The following TCF12 variants were observed in gnomAD, a reference collection of about 807,000 sequenced individuals.
TCF12 encodes transcription factor 12.
A neutral mutation model predicts 86.0 loss-of-function variants in TCF12; 45 were observed. The observed-to-expected ratio is 0.52, with a 90% CI of 0.41 to 0.67. The LOEUF (loss-of-function observed/expected upper bound fraction) is 0.67, where lower values mean the gene tolerates loss of function less well. Among genes scored for constraint, TCF12 ranks in the 30% least tolerant of loss-of-function variants. The pLI, the probability that TCF12 is intolerant of heterozygous loss-of-function variation, is 0.00. For missense variants in TCF12, 881 were observed against 859.9 expected (o/e 1.02, Z -0.31); for synonymous variants, 330 against 299.6 (o/e 1.10, Z -1.05).
At chr15:57,012,107 T>G (rs1251435587) in intron 3 of TCF12, among the ~76,000 whole-genome samples, 1 of 152,162 alleles carries the variant, frequency 6.6e-6, no homozygotes, top group African/African-American at 2.4e-5. Context: ...TCTTTCTGGT[T>G]TTTAATTTGC....
At chr15:57,257,272 A>G (rs985004207) in intron 16 of TCF12, among the ~76,000 whole-genome samples, 9 of 152,178 alleles carry the variant, frequency 5.9e-5, no homozygotes, top group Non-Finnish European at 1.0e-4. Context: ...GCTTATGTTA[A>G]TGAGTAGTTT....
At chr15:57,035,437 A>T (rs1339607223) in intron 3 of TCF12, among the ~76,000 whole-genome samples, 2 of 152,158 alleles carry the variant, frequency 1.3e-5, no homozygotes, top group African/African-American at 4.8e-5. Flanking sequence ...CTAATTTTTT[A>T]AAATTTTTTT....
chr15:57,229,162 G>A (rs1315145224), intron 8 of TCF12, among the ~76,000 whole-genome samples: 1 of 151,926 alleles, frequency 6.6e-6, no homozygotes, highest in Non-Finnish European at 1.5e-5. Context: ...CTTCTAGCTA[G>A]GGCTAAGTTT....
intron 3 of TCF12, among the ~76,000 whole-genome samples, chr15:56,964,987 A>G (rs1486919915): frequency 6.6e-6 from 1 of 152,184 alleles, no homozygotes; most frequent in Non-Finnish European, 1.5e-5. Context: ...TTTCCCAACC[A>G]CTATTCATTT....
chr15:57,057,441 T>C (rs182056621), intron 3 of TCF12, among the ~76,000 whole-genome samples: 7 of 152,212 alleles, frequency 4.6e-5, no homozygotes, highest in African/African-American at 1.7e-4. Flanking sequence ...TGAAAGCTGA[T>C]TAAAAGAGAA....
chr15:57,216,668 C>A (rs2058345029), intron 8 of TCF12, among the ~76,000 whole-genome samples: 2 of 150,844 alleles, frequency 1.3e-5, no homozygotes, highest in African/African-American at 4.9e-5. Flanking sequence ...CTCCTTAGGA[C>A]AAGAAATTGT....
At chr15:57,129,474 C>G (rs1269523698) in intron 5 of TCF12, among the ~76,000 whole-genome samples, 1 of 152,142 alleles carries the variant, frequency 6.6e-6, no homozygotes, top group African/African-American at 2.4e-5. Context: ...ATCACCTGAG[C>G]CTGGGGAGGT....
intron 3 of TCF12, among the ~76,000 whole-genome samples, chr15:57,018,691 T>G (rs936898483): frequency 6.6e-6 from 1 of 152,286 alleles, no homozygotes; most frequent in East Asian, 1.9e-4. Context: ...TCCACCTGCC[T>G]TGGCCTCCCA....
At chr15:56,952,923 T>G (rs2061346743) in intron 3 of TCF12, among the ~76,000 whole-genome samples, 1 of 152,134 alleles carries the variant, frequency 6.6e-6, no homozygotes, top group African/African-American at 2.4e-5. Context: ...CAGATATCCT[T>G]GTCTTGTTTT....
At chr15:56,939,303 A>G (rs1204602754) in intron 3 of TCF12, among the ~76,000 whole-genome samples, 1 of 152,038 alleles carries the variant, frequency 6.6e-6, no homozygotes, top group East Asian at 1.9e-4. Context: ...CTTTTTTTTA[A>G]CCACTGAAGA....
chr15:56,931,922 T>C (rs1299776917), intron 3 of TCF12, among the ~76,000 whole-genome samples: 1 of 152,224 alleles, frequency 6.6e-6, no homozygotes, highest in Non-Finnish European at 1.5e-5. Flanking sequence ...AGAACCATGA[T>C]ACAATGTTGA....
At chr15:57,017,089 A>G (rs1027825548) in intron 3 of TCF12, among the ~76,000 whole-genome samples, 10 of 152,112 alleles carry the variant, frequency 6.6e-5, no homozygotes, top group African/African-American at 2.4e-4. Context: ...CCTGTCTTCT[A>G]CCTTCATCCT....
At chr15:57,181,760 A>C (rs2151646431) in intron 6 of TCF12, among the ~76,000 whole-genome samples, 1 of 152,330 alleles carries the variant, frequency 6.6e-6, no homozygotes, top group Non-Finnish European at 1.5e-5. Flanking sequence ...TTTTGTTCAC[A>C]GGCTAGAGGT....
Position 57,068,083 on chromosome 15 carries a change from C to T in TCF12, c.222+4260C>T, listed in dbSNP as rs117332185. Among the ~76,000 whole-genome samples, 668 of 152,184 alleles carry T rather than the reference C, an allele frequency of 4.4e-3. 7 individuals carry two copies. The highest frequency in any genetic ancestry group is 0.024 in the Admixed American group (366 of 15,280). On this transcript the variant is annotated intron_variant, in intron 4 of 20. Transcript: ENST00000333725. ...AGAAGGCTGTGCTTAAGAGGGCAGA[C>T]TGTGAAATCATACTGCTTGGGTATA...
intron 6 of TCF12, among the ~76,000 whole-genome samples, chr15:57,184,086 T>A (rs1266358848): frequency 2.0e-5 from 3 of 152,150 alleles, no homozygotes; most frequent in Non-Finnish European, 4.4e-5. Flanking sequence ...CAAACAGACT[T>A]CTCTTCACCA....
At chr15:57,278,050 C>T (rs1261792317) in intron 19 of TCF12, among the ~76,000 whole-genome samples, 2 of 151,942 alleles carry the variant, frequency 1.3e-5, no homozygotes, top group African/African-American at 4.8e-5. Flanking sequence ...CCAGGGTGGT[C>T]TCAAACTCCT....
rs1422824005 is a variant in TCF12 at position 57,222,728 on chromosome 15, GA to G, written c.580-8420del. 1.1e-4 allele frequency among the ~76,000 whole-genome samples: 12 copies of G among 111,632 alleles called. 1 individual carries two copies. The highest frequency in any genetic ancestry group is 6.9e-4 in the Admixed American group (7 of 10,206). 73.2% of individuals were successfully genotyped at this position (111,632 alleles called of 152,430 possible). A position where few individuals can be genotyped will look rare whatever the true frequency, so the allele number is the denominator to read the frequency against. ...AAAAAAGTCTTGAGAGCAAAGGAAA[GA>G]AAAGTTTTGGGGGAAAAAAAGGACT... On this transcript the variant is annotated intron_variant, in intron 8 of 20. Coordinates refer to ENST00000333725, the MANE Select transcript of TCF12 (RefSeq NM_207037.2).
chr15:56,955,918 T>C (rs2061488575), intron 3 of TCF12, among the ~76,000 whole-genome samples: 1 of 152,208 alleles, frequency 6.6e-6, no homozygotes, highest in Admixed American at 6.5e-5. Flanking sequence ...TCTCTGTCTT[T>C]AAGTGCATTA....
chr15:56,954,993 C>G (rs1398979147), intron 3 of TCF12, among the ~76,000 whole-genome samples: 2 of 152,114 alleles, frequency 1.3e-5, no homozygotes, highest in Non-Finnish European at 2.9e-5. Flanking sequence ...GACAGTGTGG[C>G]GATCCCTCAA....
Sources: gnomAD v4.1 joint callset for allele counts (sites outside exome capture counted in the v4.1 genomes callset) on GRCh38, gnomAD v4.1.1 for gene constraint, MANE v1.5 for transcripts, NCBI Gene and HGNC (gene_info 2026-07-23, HGNC 2026-07-21) for gene names.